CELA2A: variants seen among roughly 807,000 people sequenced by gnomAD.
CELA2A encodes the protein chymotrypsin like elastase 2A.
In CELA2A, 31 loss-of-function variants were observed where a neutral mutation model predicts 35.3. The ratio of observed to expected loss-of-function variants is 0.88; its 90% CI spans 0.66 to 1.19. The LOEUF is 1.19. Among genes scored for constraint, CELA2A ranks in the 50% most tolerant of loss-of-function variants. The pLI, the probability that CELA2A is intolerant of heterozygous loss-of-function variation, is 0.00. For missense variants in CELA2A, 330 were observed against 352.9 expected (o/e 0.94, Z 0.52); for synonymous variants, 150 against 149.8 (o/e 1.00, Z -0.01).
chr1:15,468,996 G>A (rs1274832043), intron 7 of CELA2A, among the ~76,000 whole-genome samples: 2 of 152,124 alleles, frequency 1.3e-5, no homozygotes, highest in South Asian at 2.1e-4. Context: ...TGGTCAACAC[G>A]GGGAAACCCC....
At chr1:15,462,279 A>T in intron 3 of CELA2A, 1 of 465,702 alleles carries the variant, frequency 2.1e-6, no homozygotes, top group Non-Finnish European at 4.4e-6. Flanking sequence ...TCTAGGAGGT[A>T]TTGGGGAAAA....
chr1:15,461,101 A>G (rs1220439598), intron 2 of CELA2A, among the ~76,000 whole-genome samples: 2 of 152,148 alleles, frequency 1.3e-5, no homozygotes, highest in Non-Finnish European at 2.9e-5. Context: ...ATCTTGTGAG[A>G]ACTTACTCAC....
intron 3 of CELA2A, among the ~76,000 whole-genome samples, chr1:15,462,489 GTTA>G (rs1708448865): frequency 6.6e-6 from 1 of 152,134 alleles, no homozygotes; most frequent in Admixed American, 6.5e-5. Flanking sequence ...TAGAGTTTGT[GTTA>G]TTATAACTTT....
chr1:15,458,024 A>G (rs1397391487), intron 2 of CELA2A, among the ~76,000 whole-genome samples: 3 of 152,246 alleles, frequency 2.0e-5, no homozygotes, highest in Admixed American at 1.3e-4. Context: ...TTACATTGAC[A>G]TAAACAAATA....
intron 5 of CELA2A, among the ~76,000 whole-genome samples, chr1:15,464,033 C>A (rs956218174): frequency 6.6e-6 from 1 of 152,098 alleles, no homozygotes; most frequent in African/African-American, 2.4e-5. Context: ...GCCTGGGGGA[C>A]AGAGCGAGAC....
rs79235024 is a variant in CELA2A, at chr1:15,459,334, C to CT, written c.129+2173dup. Among the ~76,000 whole-genome samples the CT allele has an allele frequency of 1.9e-3, 191 of 98,738 alleles. 2 individuals carry two copies. The highest frequency in any genetic ancestry group is 9.2e-3 in the Middle Eastern group (2 of 218). The allele number at this position is 98,738 out of a possible 152,430, so 64.8% of individuals were successfully genotyped here. ...CATGCCCCCACACCCGGTTAAGTTT[C>CT]TTTTTTTTTTTTTAGAGATGGGTCT... On this transcript the variant is annotated intron_variant, in intron 2 of 7. Coordinates refer to ENST00000359621, the MANE Select transcript of CELA2A (RefSeq NM_033440.3).
chr1:15,460,651 C>CTT, intron 2 of CELA2A, among the ~76,000 whole-genome samples: 1 of 144,920 alleles, frequency 6.9e-6, no homozygotes, highest in Middle Eastern at 3.7e-3. Flanking sequence ...CCTTAAAGTT[C>CTT]TTTTTTTTTT....
intron 7 of CELA2A, among the ~76,000 whole-genome samples, chr1:15,471,769 G>T (rs1161078778): frequency 2.0e-5 from 3 of 152,096 alleles, no homozygotes; most frequent in Non-Finnish European, 4.4e-5. Flanking sequence ...AGGACTCCTG[G>T]CTAAGACCCC....
Position 15,461,790 on chromosome 1 carries a change from G to T in CELA2A, c.227+132G>T, listed in dbSNP as rs960091225. The T allele has an allele frequency of 2.0e-5, 20 of 1,015,082 alleles. No homozygotes were observed. In the African/African-American group the frequency reaches 3.2e-4, roughly 16 times the overall value. 62.9% of individuals were successfully genotyped at this position (1,015,082 alleles called of 1,614,324 possible). On this transcript the variant is annotated intron_variant, in intron 3 of 7. Transcript: ENST00000359621. ...AACCACTATACTGGCTGAGACACAA[G>T]CTGTAGTCAATCAATGGTTCAGTGT...
At chr1:15,463,624 G>A in intron 5 of CELA2A, 102 bp downstream of exon 5, 1 of 1,571,706 alleles carries the variant, frequency 6.4e-7, no homozygotes, top group East Asian at 2.2e-5. Context: ...AGGGTGTGTG[G>A]CTGCCTTGGA....
intron 7 of CELA2A, among the ~76,000 whole-genome samples, chr1:15,468,241 T>C (rs1165767544): frequency 6.6e-6 from 1 of 152,156 alleles, no homozygotes; most frequent in Admixed American, 6.5e-5. Context: ...CCCATAGCAT[T>C]AATTATTGGA....
At chr1:15,460,373 A>G (rs949896240) in intron 2 of CELA2A, among the ~76,000 whole-genome samples, 4 of 152,130 alleles carry the variant, frequency 2.6e-5, no homozygotes, top group African/African-American at 9.7e-5. Context: ...CATCTTTTTT[A>G]AGACCTCTTA....
At chr1:15,462,984 G>A (rs1371389080) in intron 4 of CELA2A, 123 bp downstream of exon 4, 2 of 1,400,596 alleles carry the variant, frequency 1.4e-6, no homozygotes, top group South Asian at 1.3e-5. Flanking sequence ...GGGGGAAGGA[G>A]CTCTGGCCTC....
At chr1:15,462,117 A>T in intron 3 of CELA2A, 1 of 472,900 alleles carries the variant, frequency 2.1e-6, no homozygotes. Flanking sequence ...GATGAATTAT[A>T]AAGGCCCACA....
Position 15,467,592 on chromosome 1 carries a change from C to T in CELA2A, c.792+54C>T, listed in dbSNP as rs113269227. ...AGGCACTACCCTGCTCACCTGGCCT[C>T]GGGAGTGCCATGCCCACCTGGTGAC... On this transcript the variant is annotated intron_variant, in intron 7 of 7. Transcript: ENST00000359621. 2.4e-3 allele frequency: 3,890 copies of T among 1,589,808 alleles called. 78 individuals are homozygous for T. The African/African-American group carries it at 0.043, about 17-fold the overall frequency.
chr1:15,463,285 AACAGGGT>A, intron 4 of CELA2A, 94 bp from the exon 5 acceptor site: 1 of 1,557,862 alleles, frequency 6.4e-7, no homozygotes, highest in Non-Finnish European at 8.7e-7. Flanking sequence ...AACCTGGGGT[AACAGGGT>A]ACAGGGAAGA....
At chr1:15,458,125 A>T (rs1708385512) in intron 2 of CELA2A, among the ~76,000 whole-genome samples, 1 of 152,168 alleles carries the variant, frequency 6.6e-6, no homozygotes, top group East Asian at 1.9e-4. Context: ...ATATATAGTA[A>T]AGATTTTATC....
rs377663645 is a variant in CELA2A, at chr1:15,461,641, G to C, written c.210G>C (p.Thr70=). The change falls in exon 3 of 8, where the codon ACG becomes ACC. Residue 70 remains threonine, a synonymous_variant. Coordinates refer to ENST00000359621, the MANE Select transcript of CELA2A (RefSeq NM_033440.3). ...TGATAGCCAACAGCTGGGTCCTGAC[G>C]GCTGCCCACTGCATCAGGTAACTGC... is the stretch of plus-strand genomic sequence containing the variant. ...GSLIANSWVL[T]AAHCISSSRT... 3.1e-6 allele frequency: 5 copies of C among 1,613,584 alleles called. No individual in the cohort carries two copies. Among genetic ancestry groups the C allele is most frequent in the Admixed American group, 3.3e-5 (2 of 60,004 alleles).
In CELA2A at chr1:15,466,099, C is replaced by T. The variant is rs768879777; in HGVS notation, c.594C>T (p.Thr198=). 8 of 1,613,988 alleles carry T rather than the reference C, an allele frequency of 5.0e-6. No individual in the cohort carries two copies. Among genetic ancestry groups the T allele is most frequent in the Admixed American group, 1.7e-5 (1 of 59,990 alleles). ...SSAWWGSSVK[T]SMICAGGDGV... is the part of the protein sequence containing the mutation. Reference sequence around the variant, plus strand: ...CCTGGTGGGGCAGCAGCGTGAAAACCAGTATGATCTGTGCTGGGGGTGATG... The same window carrying T: ...CCTGGTGGGGCAGCAGCGTGAAAACTAGTATGATCTGTGCTGGGGGTGATG... Residue 198 remains threonine, a synonymous_variant, in exon 6 of 8, where the codon ACC becomes ACT. Transcript: ENST00000359621.
Sources: gnomAD v4.1 joint callset for allele counts (sites outside exome capture counted in the v4.1 genomes callset) on GRCh38, gnomAD v4.1.1 for gene constraint, MANE v1.5 for transcripts, NCBI Gene and HGNC (gene_info 2026-07-23, HGNC 2026-07-21) for gene names.